The following SDK1 variants were observed in gnomAD, a reference collection of about 807,000 sequenced individuals.
SDK1 encodes the protein sidekick cell adhesion molecule 1.
A neutral mutation model predicts 245.5 loss-of-function variants in SDK1; 157 were observed. That is an observed-to-expected ratio of 0.64 (90% CI 0.56 to 0.73). SDK1 has a LOEUF of 0.73. SDK1 is among the 30% of genes least tolerant of loss of function. The pLI, the probability that SDK1 is intolerant of heterozygous loss-of-function variation, is 0.00. For missense variants in SDK1, 3,583 were observed against 3,002.3 expected, an observed-to-expected ratio of 1.19 and a Z score of -4.52; for synonymous variants, 1,647 against 1,278.5, an observed-to-expected ratio of 1.29 and a Z score of -6.15.
chr7:3,434,215 G>A (rs767695044), intron 1 of SDK1, among the ~76,000 whole-genome samples: 18 of 152,136 alleles, frequency 1.2e-4, no homozygotes, highest in Non-Finnish European at 2.5e-4. Flanking sequence ...AGGCCAAAGA[G>A]TCAGCGTGAT....
chr7:3,493,877 C>T (rs527697834), intron 1 of SDK1, among the ~76,000 whole-genome samples: 2 of 152,354 alleles, frequency 1.3e-5, no homozygotes, highest in Non-Finnish European at 2.9e-5. Flanking sequence ...ACAAATCCTT[C>T]ATCCAGTCTT....
At chr7:3,407,044 G>C (rs1168979549) in intron 1 of SDK1, among the ~76,000 whole-genome samples, 1 of 152,188 alleles carries the variant, frequency 6.6e-6, no homozygotes, top group Non-Finnish European at 1.5e-5. Flanking sequence ...AAAGGGCAGA[G>C]ATTATCCTTT....
At chr7:3,737,869 G>C (rs1163777245) in intron 4 of SDK1, among the ~76,000 whole-genome samples, 2 of 152,176 alleles carry the variant, frequency 1.3e-5, no homozygotes. Flanking sequence ...CTACCAGACT[G>C]GGGAGGGGCA....
intron 1 of SDK1, among the ~76,000 whole-genome samples, chr7:3,536,698 A>C (rs889607773): frequency 3.9e-5 from 6 of 152,060 alleles, no homozygotes; most frequent in African/African-American, 1.4e-4. Context: ...TGTCTCAAAA[A>C]AAAAAACAAA....
At chr7:3,721,873 C>T (rs1778821124) in intron 4 of SDK1, among the ~76,000 whole-genome samples, 1 of 152,124 alleles carries the variant, frequency 6.6e-6, no homozygotes, top group African/African-American at 2.4e-5. Flanking sequence ...TTAAGCTCTC[C>T]TTTAGGTACC....
intron 4 of SDK1, among the ~76,000 whole-genome samples, chr7:3,739,932 T>C (rs1779429915): frequency 6.6e-6 from 1 of 152,272 alleles, no homozygotes; most frequent in Non-Finnish European, 1.5e-5. Context: ...ATATTGCTTC[T>C]GTCTGTTAAG....
At position 3,967,679 on chromosome 7, in the gene SDK1, C is replaced by G. The variant is rs1293831558; in HGVS notation, c.1546+245C>G. On this transcript the variant is annotated intron_variant, in intron 10 of 44. Coordinates refer to ENST00000404826, the MANE Select transcript of SDK1 (RefSeq NM_152744.4). ...AGGATGAAACTGTTCCATCTCAGAT[C>G]ATTAGATTCTTCTAGGGAGTGTGCA... is the stretch of plus-strand genomic sequence containing the variant. Among the ~76,000 whole-genome samples, 3 of 152,210 alleles carry G rather than the reference C, an allele frequency of 2.0e-5. No homozygotes were observed. In the East Asian group the frequency reaches 5.8e-4, roughly 29 times the overall value.
intron 4 of SDK1, among the ~76,000 whole-genome samples, chr7:3,775,576 T>C (rs966068104): frequency 1.4e-4 from 20 of 139,694 alleles, no homozygotes; most frequent in African/African-American, 4.7e-4. Context: ...TTTTTTTTTC[T>C]TTTTTTTTTT....
intron 1 of SDK1, among the ~76,000 whole-genome samples, chr7:3,532,988 A>G (rs1396515481): frequency 6.6e-6 from 1 of 152,236 alleles, no homozygotes; most frequent in East Asian, 1.9e-4. Context: ...CTGTACAAAC[A>G]TGAACAGCTG....
chr7:3,540,844 A>G (rs1039483118), intron 1 of SDK1, among the ~76,000 whole-genome samples: 4 of 152,200 alleles, frequency 2.6e-5, no homozygotes, highest in Non-Finnish European at 5.9e-5. Flanking sequence ...AGTATTTAAA[A>G]TATTTCAAGG....
chr7:3,554,992 C>G (rs779233227), intron 1 of SDK1, among the ~76,000 whole-genome samples: 2 of 152,046 alleles, frequency 1.3e-5, no homozygotes, highest in South Asian at 2.1e-4. Context: ...CAATATTGTT[C>G]AAATGTCCAT....
rs141987963 is a variant in SDK1, at chr7:4,234,078, G to A, written c.5992+659G>A. 6.3e-4 allele frequency among the ~76,000 whole-genome samples: 96 copies of A among 152,314 alleles called. 2 individuals are homozygous for A. In the East Asian group the frequency reaches 0.013, roughly 20 times the overall value. The stretch of plus-strand genomic sequence containing the variant: ...ATTTTGGAGGGGCAAGAACCACCCC[G>A]GCAGCTATGGGGGAGCCCACGAGTG... On this transcript the variant is annotated intron_variant, in intron 41 of 44. Transcript: ENST00000404826.
At chr7:3,559,720 G>C (rs10227151) in intron 1 of SDK1, among the ~76,000 whole-genome samples, 37,630 of 148,276 alleles carry the variant, frequency 0.25, 4,903 homozygotes, top group East Asian at 0.36. Flanking sequence ...TCAAGGTAAC[G>C]CTGTAAAGTA....
intron 17 of SDK1, among the ~76,000 whole-genome samples, chr7:4,038,891 C>G (rs945505900): frequency 3.3e-5 from 5 of 152,114 alleles, no homozygotes; most frequent in South Asian, 2.1e-4. Context: ...TCTTCTGATT[C>G]CTTTTTCATT....
chr7:4,038,088 G>A (rs933304049), intron 17 of SDK1, among the ~76,000 whole-genome samples: 1 of 152,178 alleles, frequency 6.6e-6, no homozygotes, highest in Non-Finnish European at 1.5e-5. Flanking sequence ...ACTGAGAACT[G>A]CCTGACCAAG....
In SDK1 at chr7:4,266,322, G is replaced by A; in HGVS notation, c.*938G>A. Reference sequence around the variant, plus strand: ...GAATGCGTCTTTGCTGTCTCCAGGTGCCTTTTTATTAATTGTTCAGCTTTG... The same window carrying A: ...GAATGCGTCTTTGCTGTCTCCAGGTACCTTTTTATTAATTGTTCAGCTTTG... On this transcript the variant is annotated 3_prime_UTR_variant, in exon 45 of 45. Coordinates refer to ENST00000404826, the MANE Select transcript of SDK1 (RefSeq NM_152744.4). The A allele has an allele frequency of 1.0e-6, 1 of 985,266 alleles. No individual in the cohort carries two copies. Among genetic ancestry groups the A allele is most frequent in the East Asian group, 1.1e-4 (1 of 8,816 alleles). The allele number at this position is 985,266 out of a possible 1,614,324, so 61.0% of individuals were successfully genotyped here.
At chr7:4,082,881 A>T (rs571130150) in intron 22 of SDK1, among the ~76,000 whole-genome samples, 1 of 152,138 alleles carries the variant, frequency 6.6e-6, no homozygotes, top group East Asian at 1.9e-4. Flanking sequence ...TCGGCCTCCC[A>T]AAGTGCTGTG....
chr7:3,975,955 ACGCAGAGGGTCCTCCAGAGAAT>A (rs1583697483), intron 13 of SDK1, among the ~76,000 whole-genome samples: 1 of 137,416 alleles, frequency 7.3e-6, no homozygotes, highest in Non-Finnish European at 1.6e-5. Flanking sequence ...TGAGGCTGCC[ACGCAGAGGGTCCTCCAGAGAAT>A]CACTGAGGGT....
intron 4 of SDK1, among the ~76,000 whole-genome samples, chr7:3,679,785 A>C (rs539193271): frequency 4.3e-4 from 66 of 152,374 alleles, no homozygotes; most frequent in Admixed American, 1.9e-3. Flanking sequence ...AAATGGGATC[A>C]GTCCTGTATT....
Sources: allele counts gnomAD v4.1 joint callset (sites outside exome capture counted in the v4.1 genomes callset), GRCh38; gene constraint gnomAD v4.1.1; transcripts MANE v1.5; gene names NCBI Gene and HGNC (gene_info 2026-07-23, HGNC 2026-07-21).